ETF1: variants seen among roughly 807,000 people sequenced by gnomAD.
ETF1 encodes the protein eukaryotic translation termination factor 1.
ETF1 carries 4 observed loss-of-function variants against 55.1 expected under a neutral mutation model. The ratio of observed to expected loss-of-function variants is 0.07; its 90% CI spans 0.04 to 0.17. The LOEUF is 0.17. Among genes scored for constraint, ETF1 ranks in the 10% least tolerant of loss-of-function variants. ETF1 has a pLI of 1.00. For missense variants in ETF1, 142 were observed against 523.6 expected (o/e 0.27, Z 7.11); for synonymous variants, 157 against 182.3 (o/e 0.86, Z 1.12).
intron 2 of ETF1, 124 bp from the exon 3 acceptor site, chr5:138,518,991 G>A: frequency 1.3e-6 from 2 of 1,502,360 alleles, no homozygotes; most frequent in Non-Finnish European, 1.8e-6. Context: ...ACTCTCAAAG[G>A]AGTAATGTAG....
chr5:138,511,467 A>G lies in ETF1; in HGVS notation c.862+8T>C. ...TTCACAGAATAAGTAGTTGCATTTC[A>G]CCGATACCTATTAATTTCTTCTCTT... On this transcript the variant is annotated splice_region_variant and intron_variant, in intron 7 of 10. Transcript: ENST00000360541. The G allele has an allele frequency of 6.2e-7, 1 of 1,613,272 alleles. No homozygotes were observed. Among genetic ancestry groups the G allele is most frequent in the East Asian group, 2.2e-5 (1 of 44,848 alleles).
chr5:138,511,787 G>A (rs542619905), intron 6 of ETF1, 183 bp from the exon 7 acceptor site: 1 of 976,730 alleles, frequency 1.0e-6, no homozygotes, highest in African/African-American at 1.7e-5. Context: ...GAACAGCACT[G>A]CCAATTATAT....
intron 2 of ETF1, among the ~76,000 whole-genome samples, chr5:138,522,410 A>C (rs1365296360): frequency 2.0e-5 from 3 of 152,182 alleles, no homozygotes; most frequent in Admixed American, 2.0e-4. Flanking sequence ...TGGGAATGTT[A>C]AGTGGTACAA....
At chr5:138,533,888 C>T (rs777234136) in intron 2 of ETF1, among the ~76,000 whole-genome samples, 3 of 152,174 alleles carry the variant, frequency 2.0e-5, no homozygotes, top group Non-Finnish European at 2.9e-5. Context: ...TTGATCCTCA[C>T]ATTAATGCCA....
At chr5:138,517,820 A>G in intron 3 of ETF1, 120 bp from the exon 4 acceptor site, 6 of 1,309,174 alleles carry the variant, frequency 4.6e-6, no homozygotes, top group Non-Finnish European at 5.9e-6. Context: ...ATTTAAATAA[A>G]GCAGAAAAAG....
Position 138,531,567 on chromosome 5 carries a change from A to T in ETF1, c.86+11266T>A, listed in dbSNP as rs1037508252. On this transcript the variant is annotated intron_variant, in intron 2 of 10. Coordinates refer to ENST00000360541, the MANE Select transcript of ETF1 (RefSeq NM_004730.4). ...AAATCACGTTAACTACTTTCAGGTT[A>T]GGACCAGGAACGTTTTAGACACTGC... Among the ~76,000 whole-genome samples the T allele has an allele frequency of 2.0e-5, 3 of 152,350 alleles. No individual in the cohort carries two copies. The East Asian group carries it at 5.8e-4, about 29-fold the overall frequency.
intron 2 of ETF1, among the ~76,000 whole-genome samples, chr5:138,530,000 C>T (rs979517738): frequency 5.3e-5 from 8 of 152,170 alleles, no homozygotes; most frequent in African/African-American, 1.9e-4. Flanking sequence ...ACCTCAGACT[C>T]ACTGAGCAGC....
rs540009788 is a variant in ETF1 at position 138,515,947 on chromosome 5, C to T, written c.402+1614G>A. On this transcript the variant is annotated intron_variant, in intron 4 of 10. Coordinates refer to ENST00000360541, the MANE Select transcript of ETF1 (RefSeq NM_004730.4). Reference sequence around the variant, plus strand: ...GCAAAAATCATCCACTGTAAACTGTCGACAAATGTCAGTTCTAATTCCACT... The same window carrying T: ...GCAAAAATCATCCACTGTAAACTGTTGACAAATGTCAGTTCTAATTCCACT... Among the ~76,000 whole-genome samples the T allele has an allele frequency of 1.2e-3, 176 of 152,258 alleles. 1 individual carries two copies. Among genetic ancestry groups the T allele is most frequent in the African/African-American group, 4.1e-3 (172 of 41,534 alleles).
chr5:138,516,785 C>T lies in ETF1; in HGVS notation c.402+776G>A, dbSNP rs77977963. ...AAACATAATTACTATATAACCTACA[C>T]GATTCCACAAATCTAAGAAACATGA... On this transcript the variant is annotated intron_variant, in intron 4 of 10. Transcript: ENST00000360541. 7.0e-3 allele frequency among the ~76,000 whole-genome samples: 1,065 copies of T among 152,284 alleles called. 8 individuals carry two copies. The highest frequency in any genetic ancestry group is 0.029 in the South Asian group (138 of 4,828).
At chr5:138,541,379 T>C in intron 2 of ETF1, 1 of 610,718 alleles carries the variant, frequency 1.6e-6, no homozygotes, top group Non-Finnish European at 2.9e-6. Flanking sequence ...CTGTCTTCGA[T>C]TCATATTAAA....
At chr5:138,526,033 G>C (rs1209091042) in intron 2 of ETF1, among the ~76,000 whole-genome samples, 2 of 151,696 alleles carry the variant, frequency 1.3e-5, no homozygotes, top group Non-Finnish European at 2.9e-5. Flanking sequence ...TACTTCCTGA[G>C]ATCCTTATAG....
chr5:138,533,233 C>T (rs1237901734), intron 2 of ETF1, among the ~76,000 whole-genome samples: 1 of 151,848 alleles, frequency 6.6e-6, no homozygotes, highest in Non-Finnish European at 1.5e-5. Context: ...CGGGCCCAGC[C>T]CAAGTGTATA....
At chr5:138,529,923 T>C (rs1002458433) in intron 2 of ETF1, among the ~76,000 whole-genome samples, 7 of 152,022 alleles carry the variant, frequency 4.6e-5, no homozygotes, top group African/African-American at 1.7e-4. Context: ...TTCTTTTTAT[T>C]TTCGAGATAG....
chr5:138,526,977 G>A (rs1309900629), intron 2 of ETF1, among the ~76,000 whole-genome samples: 1 of 152,138 alleles, frequency 6.6e-6, no homozygotes, highest in East Asian at 1.9e-4. Context: ...TGGGATTACA[G>A]GCATGAGCCA....
intron 2 of ETF1, among the ~76,000 whole-genome samples, chr5:138,529,358 A>G (rs1765602481): frequency 6.6e-6 from 1 of 152,204 alleles, no homozygotes; most frequent in African/African-American, 2.4e-5. Context: ...TTCAGGGGAA[A>G]ATGAAAAATA....
rs938239989 is a variant in ETF1 at position 138,536,391 on chromosome 5, G to C, written c.86+6442C>G. ...GATTGTGAGAAGAGTAAAGAGAGTG[G>C]GCAAGGATGTGTGTCAAATGGCATA... On this transcript the variant is annotated intron_variant, in intron 2 of 10. Transcript: ENST00000360541. 7.2e-5 allele frequency among the ~76,000 whole-genome samples: 11 copies of C among 152,226 alleles called. No individual in the cohort carries two copies. In the East Asian group the frequency reaches 2.1e-3, roughly 29 times the overall value.
chr5:138,515,791 GT>G (rs1469622747), intron 4 of ETF1, among the ~76,000 whole-genome samples: 1 of 152,204 alleles, frequency 6.6e-6, no homozygotes, highest in Non-Finnish European at 1.5e-5. Context: ...CAGGTAAGTG[GT>G]TTCAGTGGCT....
At chr5:138,525,053 C>T (rs1413409684) in intron 2 of ETF1, among the ~76,000 whole-genome samples, 1 of 152,040 alleles carries the variant, frequency 6.6e-6, no homozygotes, top group Non-Finnish European at 1.5e-5. Flanking sequence ...CAGTTTCCCC[C>T]ATAAAAGCCA....
At chr5:138,508,625 C>T (rs763514037) in intron 10 of ETF1, 44 bp downstream of exon 10, 3 of 1,609,088 alleles carry the variant, frequency 1.9e-6, no homozygotes, top group Non-Finnish European at 2.5e-6. Context: ...GGACCTTGAC[C>T]TGAGACCCTG....
Sources: gnomAD v4.1 joint callset for allele counts (sites outside exome capture counted in the v4.1 genomes callset) on GRCh38, gnomAD v4.1.1 for gene constraint, MANE v1.5 for transcripts, NCBI Gene and HGNC (gene_info 2026-07-23, HGNC 2026-07-21) for gene names.